SNTG1: variants seen among roughly 807,000 people sequenced by gnomAD.
The protein encoded by SNTG1 is gamma-1-syntrophin.
A neutral mutation model predicts 74.7 loss-of-function variants in SNTG1; 39 were observed. The ratio of observed to expected loss-of-function variants is 0.52; its 90% confidence interval spans 0.40 to 0.68. The LOEUF is 0.68. Among genes scored for constraint, SNTG1 ranks in the 30% least tolerant of loss-of-function variants. The pLI is 0.00. For missense variants in SNTG1, 685 were observed against 609.5 expected (o/e 1.12, Z -1.30); for synonymous variants, 254 against 217.1 (o/e 1.17, Z -1.49).
intron 2 of SNTG1, among the ~76,000 whole-genome samples, chr8:50,356,163 G>A (rs2091811037): frequency 6.6e-6 from 1 of 151,808 alleles, no homozygotes; most frequent in South Asian, 2.1e-4. Context: ...TATGTCAGTG[G>A]GGTCTATAGA....
intron 8 of SNTG1, among the ~76,000 whole-genome samples, chr8:50,462,777 C>T (rs954017034): frequency 3.7e-5 from 5 of 136,174 alleles, no homozygotes; most frequent in African/African-American, 1.4e-4. Flanking sequence ...GCAACTCAGT[C>T]GCATCTTCAG....
chr8:49,984,196 A>G (rs1812940890), intron 1 of SNTG1, among the ~76,000 whole-genome samples: 2 of 151,574 alleles, frequency 1.3e-5, no homozygotes, highest in Admixed American at 1.3e-4. Flanking sequence ...TAATTTTTTT[A>G]TTTTTATTTA....
chr8:50,035,682 C>G (rs1818096101), intron 1 of SNTG1, among the ~76,000 whole-genome samples: 1 of 152,136 alleles, frequency 6.6e-6, no homozygotes, highest in Non-Finnish European at 1.5e-5. Context: ...AGAAAAGACT[C>G]CCCAAAACTC....
intron 1 of SNTG1, among the ~76,000 whole-genome samples, chr8:50,155,011 C>CT (rs1232361617): frequency 6.6e-6 from 1 of 152,156 alleles, no homozygotes; most frequent in Non-Finnish European, 1.5e-5. Flanking sequence ...ATACTTACAA[C>CT]TTTTTTCTAT....
intron 1 of SNTG1, among the ~76,000 whole-genome samples, chr8:49,987,436 C>T (rs142972471): frequency 4.3e-4 from 65 of 152,198 alleles, no homozygotes; most frequent in African/African-American, 1.5e-3. Flanking sequence ...AAAGAGTCTT[C>T]TTGGGGTCAC....
intron 15 of SNTG1, among the ~76,000 whole-genome samples, chr8:50,698,528 G>A (rs541438903): frequency 6.6e-6 from 1 of 152,230 alleles, no homozygotes; most frequent in East Asian, 1.9e-4. Context: ...GCATGCCAAT[G>A]GCTGGAGCCC....
chr8:50,266,970 G>A (rs1202839521), intron 2 of SNTG1, among the ~76,000 whole-genome samples: 1 of 151,794 alleles, frequency 6.6e-6, no homozygotes. Flanking sequence ...GAAGCTGTCT[G>A]TAAAGAACAT....
chr8:50,649,078 C>T (rs1214739895), intron 13 of SNTG1, among the ~76,000 whole-genome samples: 1 of 152,156 alleles, frequency 6.6e-6, no homozygotes, highest in Non-Finnish European at 1.5e-5. Flanking sequence ...TATACTCGTA[C>T]TATAACACAG....
intron 12 of SNTG1, among the ~76,000 whole-genome samples, chr8:50,555,506 G>A (rs1387061637): frequency 1.3e-5 from 2 of 152,224 alleles, no homozygotes; most frequent in South Asian, 2.1e-4. Flanking sequence ...AGCTAGGAAA[G>A]TTTTGCTTAG....
chr8:49,955,486 C>A (rs1288270929), intron 1 of SNTG1, among the ~76,000 whole-genome samples: 1 of 152,152 alleles, frequency 6.6e-6, no homozygotes, highest in East Asian at 1.9e-4. Flanking sequence ...CATGCACAGG[C>A]AAGAGGTAAA....
Position 50,438,478 on chromosome 8 carries a change from C to T in SNTG1, c.163-65C>T. 4.9e-6 allele frequency: 7 copies of T among 1,440,084 alleles called. No homozygotes were observed. In the South Asian group the frequency reaches 6.1e-5, roughly 12 times the overall value. The allele number at this position is 1,440,084 out of a possible 1,614,324, so 89.2% of individuals were successfully genotyped here. A position where few individuals can be genotyped will look rare whatever the true frequency, so the allele number is the denominator to read the frequency against. ...ACCCAGAAGAAAACCAAAAAAACAA[C>T]AAAAAATGGTGTGTAAGTATAGTAT... On this transcript the variant is annotated intron_variant, in intron 4 of 18. Transcript: ENST00000642720.
At chr8:50,138,449 C>A (rs1182156390) in intron 1 of SNTG1, among the ~76,000 whole-genome samples, 1 of 151,534 alleles carries the variant, frequency 6.6e-6, no homozygotes, top group South Asian at 2.1e-4. Flanking sequence ...GAAACTCCAT[C>A]TCTACTAATA....
chr8:50,497,095 G>A (rs943412265), intron 8 of SNTG1, among the ~76,000 whole-genome samples: 2 of 151,552 alleles, frequency 1.3e-5, no homozygotes, highest in African/African-American at 4.8e-5. Flanking sequence ...ATACTCATAA[G>A]TGACCTTATA....
At position 49,911,895 on chromosome 8, in the gene SNTG1, C is replaced by G. The variant is rs1426968290; in HGVS notation, c.-439C>G. The G allele has an allele frequency of 6.6e-6, 1 of 152,274 alleles. No homozygotes were observed. The highest frequency in any genetic ancestry group is 2.4e-5 in the African/African-American group (1 of 41,440). 9.4% of individuals were successfully genotyped at this position (152,274 alleles called of 1,614,324 possible). ...CTTCCTTAATGGATGAAAAGTACCC[C>G]TCCCTCTACACCTGCTGTACCTAAG... On this transcript the variant is annotated 5_prime_UTR_variant, in exon 1 of 19. Coordinates refer to ENST00000642720, the MANE Select transcript of SNTG1 (RefSeq NM_018967.5).
intron 13 of SNTG1, among the ~76,000 whole-genome samples, chr8:50,623,002 T>G (rs2094933184): frequency 6.6e-6 from 1 of 152,142 alleles, no homozygotes; most frequent in Non-Finnish European, 1.5e-5. Context: ...CGACTGACTT[T>G]TATGTATTGA....
intron 13 of SNTG1, among the ~76,000 whole-genome samples, chr8:50,648,773 A>T (rs558044771): frequency 6.6e-6 from 1 of 152,274 alleles, no homozygotes; most frequent in South Asian, 2.1e-4. Context: ...TAAACAAGCT[A>T]CATGTCAAAG....
At chr8:50,626,553 T>C (rs774420112) in intron 13 of SNTG1, among the ~76,000 whole-genome samples, 3 of 152,238 alleles carry the variant, frequency 2.0e-5, no homozygotes, top group Non-Finnish European at 4.4e-5. Context: ...TTTCTGTAGA[T>C]TATAGATTAA....
intron 18 of SNTG1, among the ~76,000 whole-genome samples, chr8:50,777,761 T>G (rs2095645304): frequency 6.6e-6 from 1 of 152,016 alleles, no homozygotes; most frequent in Non-Finnish European, 1.5e-5. Context: ...TGCAGGTTAG[T>G]TACATATGTA....
intron 13 of SNTG1, among the ~76,000 whole-genome samples, chr8:50,622,837 GA>G (rs2094931982): frequency 6.6e-6 from 1 of 151,908 alleles, no homozygotes; most frequent in Non-Finnish European, 1.5e-5. Context: ...AAATAGTTAG[GA>G]GTTTTGAAGA....
Sources: gnomAD v4.1 joint callset for allele counts (sites outside exome capture counted in the v4.1 genomes callset) on GRCh38, gnomAD v4.1.1 for gene constraint, MANE v1.5 for transcripts, NCBI Gene and HGNC (gene_info 2026-07-23, HGNC 2026-07-21) for gene names.